KANK1: variants seen among roughly 807,000 people sequenced by gnomAD.
KANK1 encodes KN motif and ankyrin repeat domain-containing protein 1.
In KANK1, 109 loss-of-function variants were observed where a neutral mutation model predicts 106.2. The ratio of observed to expected loss-of-function variants is 1.03; its 90% CI spans 0.88 to 1.20. KANK1 has a LOEUF of 1.20. KANK1 is among the 50% of genes most tolerant of loss of function. KANK1 has a pLI of 0.00. For missense variants in KANK1, 2,399 were observed against 1,710.7 expected (o/e 1.40, Z -7.10); for synonymous variants, 873 against 652.2 (o/e 1.34, Z -5.16).
chr9:584,658 G>A (rs557112294), intron 1 of KANK1, among the ~76,000 whole-genome samples: 3 of 152,284 alleles, frequency 2.0e-5, no homozygotes, highest in African/African-American at 7.2e-5. Flanking sequence ...GAATAGTTCT[G>A]TAAGATTTGT....
chr9:566,491 C>T (rs1003894635), intron 1 of KANK1, among the ~76,000 whole-genome samples: 3 of 152,210 alleles, frequency 2.0e-5, no homozygotes, highest in Non-Finnish European at 2.9e-5. Context: ...TGTAAATGTT[C>T]CTTTTTCTCT....
intron 1 of KANK1, among the ~76,000 whole-genome samples, chr9:631,809 T>C (rs61288977): frequency 0.06 from 9,094 of 152,262 alleles, 743 homozygotes; most frequent in East Asian, 0.24. Flanking sequence ...TTGAAGACTG[T>C]ACTTCCTCCC....
chr9:561,720 A>C (rs1174931694), intron 1 of KANK1, among the ~76,000 whole-genome samples: 5 of 152,218 alleles, frequency 3.3e-5, no homozygotes, highest in Non-Finnish European at 5.9e-5. Context: ...ACAGTGATCT[A>C]AGGCTCCTTA....
intron 1 of KANK1, among the ~76,000 whole-genome samples, chr9:525,117 C>T (rs765215008): frequency 6.6e-6 from 1 of 150,776 alleles, no homozygotes; most frequent in Non-Finnish European, 1.5e-5. Flanking sequence ...GCCTCAGCCT[C>T]CCAAGTAGCT....
At chr9:561,242 A>G (rs563116477) in intron 1 of KANK1, among the ~76,000 whole-genome samples, 6 of 152,318 alleles carry the variant, frequency 3.9e-5, no homozygotes, top group Admixed American at 2.6e-4. Flanking sequence ...TTCTATTTCA[A>G]TCAATTAAGA....
intron 1 of KANK1, among the ~76,000 whole-genome samples, chr9:580,615 G>C (rs1821829594): frequency 6.6e-6 from 1 of 152,224 alleles, no homozygotes; most frequent in South Asian, 2.1e-4. Context: ...CCTTGAGCTA[G>C]ACACAGAGTG....
At chr9:743,316 G>A (rs184595742) in intron 10 of KANK1, among the ~76,000 whole-genome samples, 1 of 152,294 alleles carries the variant, frequency 6.6e-6, no homozygotes, top group East Asian at 1.9e-4. Flanking sequence ...ATGAGGGACT[G>A]ACTAGCTTCA....
chr9:542,795 A>C (rs2060687021), intron 1 of KANK1, among the ~76,000 whole-genome samples: 1 of 152,212 alleles, frequency 6.6e-6, no homozygotes, highest in Non-Finnish European at 1.5e-5. Context: ...CAGGCACAGA[A>C]AGACAGATAC....
At chr9:582,920 A>T (rs964523784) in intron 1 of KANK1, among the ~76,000 whole-genome samples, 3 of 152,242 alleles carry the variant, frequency 2.0e-5, no homozygotes, top group African/African-American at 7.2e-5. Flanking sequence ...AATGTTAGCA[A>T]AGTATCTGTC....
At chr9:506,850 C>T (rs2058780730) in intron 1 of KANK1, among the ~76,000 whole-genome samples, 1 of 152,096 alleles carries the variant, frequency 6.6e-6, no homozygotes, top group South Asian at 2.1e-4. Flanking sequence ...CCGAAAGGGG[C>T]AGTGCTTGTG....
Position 645,492 on chromosome 9 carries a change from G to A in KANK1, c.-83-31398G>A, listed in dbSNP as rs1028204095. Among the ~76,000 whole-genome samples, 235 of 86,004 alleles carry A rather than the reference G, an allele frequency of 2.7e-3. 15 individuals carry two copies. The highest frequency in any genetic ancestry group is 9.7e-3 in the African/African-American group (216 of 22,302). The allele number at this position is 86,004 out of a possible 152,430, so 56.4% of individuals were successfully genotyped here. A position where few individuals can be genotyped will look rare whatever the true frequency, so the allele number is the denominator to read the frequency against. ...TAAGATAAAAAACAGTGAAATAAAA[G>A]AAGTCATATTTTTAAGAAATGAAAT... On this transcript the variant is annotated intron_variant, in intron 1 of 11. Transcript: ENST00000382297.
chr9:580,212 C>T (rs1821698014), intron 1 of KANK1, among the ~76,000 whole-genome samples: 1 of 151,744 alleles, frequency 6.6e-6, no homozygotes, highest in Non-Finnish European at 1.5e-5. Flanking sequence ...TTCGTTCCTC[C>T]GGTCTGGAGT....
intron 1 of KANK1, among the ~76,000 whole-genome samples, chr9:587,461 T>C (rs1422202258): frequency 6.6e-6 from 1 of 152,104 alleles, no homozygotes; most frequent in Admixed American, 6.5e-5. Flanking sequence ...GTATTAAGAC[T>C]GAAAAAAATG....
chr9:678,171 A>T (rs1355064914), intron 2 of KANK1, among the ~76,000 whole-genome samples: 1 of 152,182 alleles, frequency 6.6e-6, no homozygotes, highest in African/African-American at 2.4e-5. Flanking sequence ...TTCCCTGTCC[A>T]TTCCATTTTT....
intron 1 of KANK1, among the ~76,000 whole-genome samples, chr9:642,429 A>T (rs748172517): frequency 4.6e-5 from 7 of 151,014 alleles, no homozygotes; most frequent in Non-Finnish European, 1.0e-4. Context: ...ACTTGAACAA[A>T]CTAAAAACTA....
chr9:607,363 T>C (rs1829472313), intron 1 of KANK1, among the ~76,000 whole-genome samples: 2 of 151,108 alleles, frequency 1.3e-5, no homozygotes, highest in African/African-American at 4.9e-5. Context: ...CGCACACCTG[T>C]AGTCCCAGCT....
At chr9:702,656 A>G (rs1209308949) in intron 2 of KANK1, among the ~76,000 whole-genome samples, 2 of 151,880 alleles carry the variant, frequency 1.3e-5, no homozygotes, top group African/African-American at 4.8e-5. Context: ...GTCCTATTGA[A>G]TGTAGCCTCT....
intron 3 of KANK1, among the ~76,000 whole-genome samples, chr9:479,525 A>G (rs2058166362): frequency 7.2e-6 from 1 of 139,018 alleles, no homozygotes; most frequent in Admixed American, 7.0e-5. Flanking sequence ...TAAGGGAGTT[A>G]GATGTGACTC....
At chr9:475,657 A>G (rs2132073518) in intron 3 of KANK1, among the ~76,000 whole-genome samples, 1 of 152,286 alleles carries the variant, frequency 6.6e-6, no homozygotes, top group East Asian at 1.9e-4. Flanking sequence ...CTCTGGCATA[A>G]TATTACATGA....
Sources: allele counts gnomAD v4.1 joint callset (sites outside exome capture counted in the v4.1 genomes callset), GRCh38; gene constraint gnomAD v4.1.1; transcripts MANE v1.5; gene names NCBI Gene and HGNC (gene_info 2026-07-23, HGNC 2026-07-21).